Variants in FAM43B observed in about 807,000 individuals in gnomAD.
The protein encoded by FAM43B is family with sequence similarity 43 member B, also known as protein FAM43B.
Under a neutral mutation model 20.1 loss-of-function variants are expected in FAM43B, and 17 were observed. That is an observed-to-expected ratio of 0.84 (90% confidence interval 0.58 to 1.27). The LOEUF (loss-of-function observed/expected upper bound fraction) is 1.27, where lower values mean the gene tolerates loss of function less well. Ranked by LOEUF, FAM43B falls within the 50% of genes most tolerant of loss-of-function variation. FAM43B has a pLI of 0.00. For synonymous variants in FAM43B, 208 were observed against 238.5 expected, an observed-to-expected ratio of 0.87 and a Z score of 1.18; for missense variants, 512 against 516.7, an observed-to-expected ratio of 0.99 and a Z score of 0.09.
At position 20,553,434 on chromosome 1, in the gene FAM43B, G is replaced by T; in HGVS notation, c.461G>T (p.Arg154Leu). 7.0e-7 allele frequency: 1 copy of T among 1,430,420 alleles called. No individual in the cohort carries two copies. Among genetic ancestry groups the T allele is most frequent in the Non-Finnish European group, 9.0e-7 (1 of 1,105,282 alleles). 88.6% of individuals were successfully genotyped at this position (1,430,420 alleles called of 1,614,324 possible). ...PRITYCTADG[R>L]HPRVFAWVYR... ...ATCACCTACTGCACGGCGGACGGGC[G>T]CCACCCGCGCGTCTTCGCCTGGGTC... The change falls in exon 1 of 1, where the codon CGC becomes CTC. Residue 154 changes from arginine (R) to leucine (L), a missense_variant. Physicochemically the swap from Arg to Leu is moderately radical, Grantham distance 102. Coordinates refer to ENST00000332947, the MANE Select transcript of FAM43B (RefSeq NM_207334.3). This position sits in a 1 kb window ranked among gnomAD's most constrained non-coding sequence, Gnocchi z 6.5.
rs763440582 is a variant in FAM43B at position 20,553,774 on chromosome 1, C to CGAGGAGGAGGAGGAG, written c.804_818dup (p.Glu268_Glu272dup). On this transcript the variant is annotated inframe_insertion, in exon 1 of 1. Coordinates refer to ENST00000332947, the MANE Select transcript of FAM43B (RefSeq NM_207334.3). This position sits in a 1 kb window ranked among gnomAD's most constrained non-coding sequence, Gnocchi z 6.5. ...GCCTCAGCAGCATCCAGGAGGAGGA[C>CGAGGAGGAGGAGGAG]GAGGAGGAGGAGGAGGACGACGCGG... is the stretch of plus-strand genomic sequence containing the variant. The CGAGGAGGAGGAGGAG allele has an allele frequency of 6.8e-7, 1 of 1,470,458 alleles. No homozygotes were observed. Among genetic ancestry groups the CGAGGAGGAGGAGGAG allele is most frequent in the Admixed American group, 2.3e-5 (1 of 44,258 alleles). The allele number at this position is 1,470,458 out of a possible 1,614,324, so 91.1% of individuals were successfully genotyped here.
At position 20,552,623 on chromosome 1, in the gene FAM43B, C is replaced by A. The variant is rs187606377; in HGVS notation, c.-351C>A. The A allele has an allele frequency of 4.7e-4, 153 of 325,914 alleles. 5 individuals are homozygous for A. In the East Asian group the frequency reaches 0.012, roughly 25 times the overall value. The allele number at this position is 325,914 out of a possible 1,614,324, so 20.2% of individuals were successfully genotyped here. On this transcript the variant is annotated 5_prime_UTR_variant, in exon 1 of 1. Transcript: ENST00000332947. The stretch of plus-strand genomic sequence containing the variant: ...GCGGCTCCGGCGACCCAAATTGCGG[C>A]GGCAGGGACCGCGGAAATCCCACCG...
In FAM43B at chr1:20,552,685, A is replaced by C; in HGVS notation, c.-289A>C. The C allele has an allele frequency of 2.4e-5, 11 of 465,838 alleles. No individual in the cohort carries two copies. The highest frequency in any genetic ancestry group is 5.9e-4 in the Middle Eastern group (1 of 1,690). 28.9% of individuals were successfully genotyped at this position (465,838 alleles called of 1,614,324 possible). On this transcript the variant is annotated 5_prime_UTR_variant, in exon 1 of 1. Transcript: ENST00000332947. ...TGGACGTCCAGCCCACCTCACCCCC[A>C]GCCCCGGCCCCTCCTCGCTTCCCAG...
Position 20,554,070 on chromosome 1 carries a change from C to A in FAM43B, c.*107C>A. The stretch of plus-strand genomic sequence containing the variant: ...GCCCCGGCCCCCGGCCCGTGTCTCC[C>A]CCGTGGTCTCCGTGTTGTCCGCCCC... On this transcript the variant is annotated 3_prime_UTR_variant, in exon 1 of 1. Coordinates refer to ENST00000332947, the MANE Select transcript of FAM43B (RefSeq NM_207334.3). 8.7e-7 allele frequency: 1 copy of A among 1,152,616 alleles called. No individual in the cohort carries two copies. Among genetic ancestry groups the A allele is most frequent in the South Asian group, 4.4e-5 (1 of 22,672 alleles). 71.4% of individuals were successfully genotyped at this position (1,152,616 alleles called of 1,614,324 possible). A position where few individuals can be genotyped will look rare whatever the true frequency, so the allele number is the denominator to read the frequency against.
Position 20,552,916 on chromosome 1 carries a change from C to G in FAM43B, c.-58C>G, listed in dbSNP as rs2052146611. On this transcript the variant is annotated 5_prime_UTR_variant, in exon 1 of 1. Transcript: ENST00000332947. Reference sequence around the variant, plus strand: ...TTCTGCGCGCCTTCCCTCCCCCGGTCTCCCGACAGGACGCCGGTGAGCTCC... The same window carrying G: ...TTCTGCGCGCCTTCCCTCCCCCGGTGTCCCGACAGGACGCCGGTGAGCTCC... 4 of 1,584,334 alleles carry G rather than the reference C, an allele frequency of 2.5e-6. No homozygotes were observed. The highest frequency in any genetic ancestry group is 3.6e-4 in the Middle Eastern group (2 of 5,544).
chr1:20,553,757 A>C lies in FAM43B; in HGVS notation c.784A>C (p.Ser262Arg). The C allele has an allele frequency of 6.8e-7, 1 of 1,471,872 alleles. No individual in the cohort carries two copies. The highest frequency in any genetic ancestry group is 9.0e-7 in the Non-Finnish European group (1 of 1,106,790). 91.2% of individuals were successfully genotyped at this position (1,471,872 alleles called of 1,614,324 possible). ...CAGCCGCGGGGCGCCGCGCCTCAGCAGCATCCAGGAGGAGGACGAGGAGGA... is the reference window on the plus strand; with the variant it reads ...CAGCCGCGGGGCGCCGCGCCTCAGCCGCATCCAGGAGGAGGACGAGGAGGA... ...ERSRGAPRLS[S>R]IQEEDEEEEE... is the part of the protein sequence containing the mutation. Residue 262 changes from serine (S) to arginine (R), a missense_variant, in exon 1 of 1, where the codon AGC (serine) becomes CGC (arginine). Physicochemically the swap from Ser to Arg is moderately radical, Grantham distance 110. Transcript: ENST00000332947. This position sits in a 1 kb window ranked among gnomAD's most constrained non-coding sequence, Gnocchi z 6.5.
rs576030576 is a variant in FAM43B, at chr1:20,554,877, A to T, written c.*914A>T. The T allele has an allele frequency of 6.0e-6, 1 of 167,446 alleles. No individual in the cohort carries two copies. Among genetic ancestry groups the T allele is most frequent in the South Asian group, 2.1e-4 (1 of 4,828 alleles). 10.4% of individuals were successfully genotyped at this position (167,446 alleles called of 1,614,324 possible). ...CCTGACAGCAGTGGATTCTCCCAGCAGGATGAGGAAGGAGGGTGTGTTAAC... is the reference window on the plus strand; with the variant it reads ...CCTGACAGCAGTGGATTCTCCCAGCTGGATGAGGAAGGAGGGTGTGTTAAC... On this transcript the variant is annotated 3_prime_UTR_variant, in exon 1 of 1. Coordinates refer to ENST00000332947, the MANE Select transcript of FAM43B (RefSeq NM_207334.3).
Position 20,553,395 on chromosome 1 carries a change from A to T in FAM43B, c.422A>T (p.Tyr141Phe). Residue 141 changes from tyrosine to phenylalanine, a missense_variant, in exon 1 of 1, where the codon TAC (tyrosine) becomes TTC (phenylalanine). Coordinates refer to ENST00000332947, the MANE Select transcript of FAM43B (RefSeq NM_207334.3). This position sits in a 1 kb window ranked among gnomAD's most constrained non-coding sequence, Gnocchi z 6.5. ...GGGGGCCGCAGGCCGGCGCACGCCT[A>T]CCTGCTGCCGCGCATCACCTACTGC... ...GSGGRRPAHAYLLPRITYCTA... is the reference protein window; with the variant it reads ...GSGGRRPAHAFLLPRITYCTA... 6.8e-7 allele frequency: 1 copy of T among 1,470,826 alleles called. No homozygotes were observed. Among genetic ancestry groups the T allele is most frequent in the Non-Finnish European group, 8.9e-7 (1 of 1,121,518 alleles). 91.1% of individuals were successfully genotyped at this position (1,470,826 alleles called of 1,614,324 possible). A position where few individuals can be genotyped will look rare whatever the true frequency, so the allele number is the denominator to read the frequency against.
chr1:20,553,480 C>G lies in FAM43B; in HGVS notation c.507C>G (p.His169Gln), dbSNP rs2052155181. Residue 169 changes from histidine (H) to glutamine (Q), a missense_variant, in exon 1 of 1, where the codon CAC (histidine) becomes CAG (glutamine). By Grantham distance (24) the His-to-Gln change is conservative (BLOSUM62 0). Transcript: ENST00000332947. This position sits in a 1 kb window ranked among gnomAD's most constrained non-coding sequence, Gnocchi z 6.5. ...FAWVYRHQAR[H>Q]KAVVLRCHAV... ...GGGTCTACCGCCACCAGGCGCGCCA[C>G]AAGGCCGTGGTGCTGCGCTGCCACG... 10 of 1,406,898 alleles carry G rather than the reference C, an allele frequency of 7.1e-6. No individual in the cohort carries two copies. The highest frequency in any genetic ancestry group is 8.2e-6 in the Non-Finnish European group (9 of 1,093,468). The allele number at this position is 1,406,898 out of a possible 1,614,324, so 87.2% of individuals were successfully genotyped here.
Position 20,553,827 on chromosome 1 carries a change from G to C in FAM43B, c.854G>C (p.Arg285Pro). Residue 285 changes from arginine to proline, a missense_variant, in exon 1 of 1, where the codon CGC becomes CCC. Transcript: ENST00000332947. This position sits in a 1 kb window ranked among gnomAD's most constrained non-coding sequence, Gnocchi z 6.5. ...GAGCAAGAGGGAGGAGTCCCCCAGCGCGAGCGGCCGGAGGTGCTCAGCCTG... is the reference window on the plus strand; with the variant it reads ...GAGCAAGAGGGAGGAGTCCCCCAGCCCGAGCGGCCGGAGGTGCTCAGCCTG... ...AEEQEGGVPQRERPEVLSLAR... is the reference protein window; with the variant it reads ...AEEQEGGVPQPERPEVLSLAR... 2.7e-6 allele frequency: 4 copies of C among 1,461,620 alleles called. No homozygotes were observed. The South Asian group carries it at 5.1e-5, about 19-fold the overall frequency. The allele number at this position is 1,461,620 out of a possible 1,614,324, so 90.5% of individuals were successfully genotyped here.
Position 20,554,939 on chromosome 1 carries a change from G to C in FAM43B, c.*976G>C. 1 of 167,268 alleles carries C rather than the reference G, an allele frequency of 6.0e-6. No individual in the cohort carries two copies. 10.4% of individuals were successfully genotyped at this position (167,268 alleles called of 1,614,324 possible). On this transcript the variant is annotated 3_prime_UTR_variant, in exon 1 of 1. Coordinates refer to ENST00000332947, the MANE Select transcript of FAM43B (RefSeq NM_207334.3). ...GTGGGCCCCCCACCCAGGTGTCTCC[G>C]CAAGACCACAAAAAGCCCAAAGATC...
chr1:20,554,097 C>T lies in FAM43B; in HGVS notation c.*134C>T, dbSNP rs1352882579. The T allele has an allele frequency of 1.9e-6, 2 of 1,078,630 alleles. No individual in the cohort carries two copies. The highest frequency in any genetic ancestry group is 3.3e-5 in the African/African-American group (2 of 60,034). 66.8% of individuals were successfully genotyped at this position (1,078,630 alleles called of 1,614,324 possible). On this transcript the variant is annotated 3_prime_UTR_variant, in exon 1 of 1. Transcript: ENST00000332947. Reference sequence around the variant, plus strand: ...CGTGGTCTCCGTGTTGTCCGCCCCGCCGCCTCATTTTGGCTCAGGGTGATG... The same window carrying T: ...CGTGGTCTCCGTGTTGTCCGCCCCGTCGCCTCATTTTGGCTCAGGGTGATG...
Position 20,553,916 on chromosome 1 carries a change from CGCCGCTGGAAGGCCG to C in FAM43B, c.947_961del (p.Arg316_Gly320del). On this transcript the variant is annotated inframe_deletion, in exon 1 of 1. Coordinates refer to ENST00000332947, the MANE Select transcript of FAM43B (RefSeq NM_207334.3). This position sits in a 1 kb window ranked among gnomAD's most constrained non-coding sequence, Gnocchi z 6.5. ...GGCGCCCCCGCCGCCCGCGCAGCCCCGCCGCTGGAAGGCCGGCCCCAGGGAGCGGGCGGGCCAGGC... is the reference window on the plus strand; with the variant it reads ...GGCGCCCCCGCCGCCCGCGCAGCCCCGCCCCAGGGAGCGGGCGGGCCAGGC... 8.0e-7 allele frequency: 1 copy of C among 1,255,704 alleles called. No homozygotes were observed. Among genetic ancestry groups the C allele is most frequent in the South Asian group, 3.4e-5 (1 of 29,420 alleles). The allele number at this position is 1,255,704 out of a possible 1,614,324, so 77.8% of individuals were successfully genotyped here. A position where few individuals can be genotyped will look rare whatever the true frequency, so the allele number is the denominator to read the frequency against.
In FAM43B at chr1:20,553,723, G is replaced by T; in HGVS notation, c.750G>T (p.Pro250=). The T allele has an allele frequency of 6.9e-7, 1 of 1,456,388 alleles. No homozygotes were observed. The highest frequency in any genetic ancestry group is 1.3e-5 in the South Asian group (1 of 77,642). The allele number at this position is 1,456,388 out of a possible 1,614,324, so 90.2% of individuals were successfully genotyped here. A position where few individuals can be genotyped will look rare whatever the true frequency, so the allele number is the denominator to read the frequency against. Reference sequence around the variant, plus strand: ...CCAAGTGCGCCTACCGGCCGCCGCCGAGCGAGCGCAGCCGCGGGGCGCCGC... The same window carrying T: ...CCAAGTGCGCCTACCGGCCGCCGCCTAGCGAGCGCAGCCGCGGGGCGCCGC... The part of the protein sequence containing the change: ...LNAKCAYRPP[P]SERSRGAPRL... Residue 250 remains proline (P), a synonymous_variant, in exon 1 of 1, where the codon CCG becomes CCT. Transcript: ENST00000332947. This position sits in a 1 kb window ranked among gnomAD's most constrained non-coding sequence, Gnocchi z 6.5.
At position 20,552,638 on chromosome 1, in the gene FAM43B, A is replaced by G; in HGVS notation, c.-336A>G. On this transcript the variant is annotated 5_prime_UTR_variant, in exon 1 of 1. Transcript: ENST00000332947. The stretch of plus-strand genomic sequence containing the variant: ...CAAATTGCGGCGGCAGGGACCGCGG[A>G]AATCCCACCGTTTGGGCTTGGTGGA... 2.8e-6 allele frequency: 1 copy of G among 353,616 alleles called. No homozygotes were observed. The highest frequency in any genetic ancestry group is 3.5e-5 in the South Asian group (1 of 28,826). The allele number at this position is 353,616 out of a possible 1,614,324, so 21.9% of individuals were successfully genotyped here. A position where few individuals can be genotyped will look rare whatever the true frequency, so the allele number is the denominator to read the frequency against.
Position 20,553,576 on chromosome 1 carries a change from CT to C in FAM43B, c.605del (p.Phe202SerfsTer96). 1 of 1,281,612 alleles carries C rather than the reference CT, an allele frequency of 7.8e-7. No individual in the cohort carries two copies. The highest frequency in any genetic ancestry group is 9.8e-7 in the Non-Finnish European group (1 of 1,020,652). 79.4% of individuals were successfully genotyped at this position (1,281,612 alleles called of 1,614,324 possible). Reference protein sequence around the residue: ...RLLRQTALAAFSDFKRLQRQS... With the variant: ...RLLRQTALAAXSDFKRLQRQS... ...TGCTCCGCCAGACCGCGCTGGCGGCCTTCAGCGACTTCAAGCGCCTGCAGCG... is the reference window on the plus strand; with the variant it reads ...TGCTCCGCCAGACCGCGCTGGCGGCCTCAGCGACTTCAAGCGCCTGCAGCG... On this transcript the variant is annotated frameshift_variant, in exon 1 of 1. Transcript: ENST00000332947. LOFTEE classifies it high-confidence loss of function. The surrounding 1 kb of genome is among the most constrained non-coding windows in gnomAD (Gnocchi z 6.5).
Position 20,554,032 on chromosome 1 carries a change from G to A in FAM43B, c.*69G>A. The A allele has an allele frequency of 8.3e-7, 1 of 1,199,870 alleles. No homozygotes were observed. Among genetic ancestry groups the A allele is most frequent in the Non-Finnish European group, 1.0e-6 (1 of 963,904 alleles). The allele number at this position is 1,199,870 out of a possible 1,614,324, so 74.3% of individuals were successfully genotyped here. A position where few individuals can be genotyped will look rare whatever the true frequency, so the allele number is the denominator to read the frequency against. On this transcript the variant is annotated 3_prime_UTR_variant, in exon 1 of 1. Coordinates refer to ENST00000332947, the MANE Select transcript of FAM43B (RefSeq NM_207334.3). Reference sequence around the variant, plus strand: ...ACTCACAGCCTCCAACCCCGGCCCTGCCCGCTTCGGCTGCCCCGGCCCCCG... The same window carrying A: ...ACTCACAGCCTCCAACCCCGGCCCTACCCGCTTCGGCTGCCCCGGCCCCCG...
rs768010242 is a variant in FAM43B at position 20,553,669 on chromosome 1, C to T, written c.696C>T (p.Pro232=). 4.5e-6 allele frequency: 6 copies of T among 1,336,226 alleles called. No homozygotes were observed. The South Asian group carries it at 1.1e-4, about 25-fold the overall frequency. 82.8% of individuals were successfully genotyped at this position (1,336,226 alleles called of 1,614,324 possible). The change falls in exon 1 of 1, where the codon CCC becomes CCT. Residue 232 remains proline, a synonymous_variant. Coordinates refer to ENST00000332947, the MANE Select transcript of FAM43B (RefSeq NM_207334.3). The surrounding 1 kb of genome is among the most constrained non-coding windows in gnomAD (Gnocchi z 6.5). The part of the protein sequence containing the change: ...LRAGGAAASV[P]RAPLRRLLNA... ...CTGGGGGCGCCGCCGCCTCGGTGCC[C>T]CGCGCCCCACTGCGCCGCCTGCTCA...
chr1:20,553,453 C>T lies in FAM43B; in HGVS notation c.480C>T (p.Ala160=). 7.0e-7 allele frequency: 1 copy of T among 1,423,690 alleles called. No individual in the cohort carries two copies. Among genetic ancestry groups the T allele is most frequent in the Non-Finnish European group, 9.1e-7 (1 of 1,102,204 alleles). The allele number at this position is 1,423,690 out of a possible 1,614,324, so 88.2% of individuals were successfully genotyped here. Reference sequence around the variant, plus strand: ...ACGGGCGCCACCCGCGCGTCTTCGCCTGGGTCTACCGCCACCAGGCGCGCC... The same window carrying T: ...ACGGGCGCCACCCGCGCGTCTTCGCTTGGGTCTACCGCCACCAGGCGCGCC... ...TADGRHPRVF[A]WVYRHQARHK... The change falls in exon 1 of 1, where the codon GCC becomes GCT. Residue 160 remains alanine, a synonymous_variant. Coordinates refer to ENST00000332947, the MANE Select transcript of FAM43B (RefSeq NM_207334.3). This position sits in a 1 kb window ranked among gnomAD's most constrained non-coding sequence, Gnocchi z 6.5.
Sources: allele counts gnomAD v4.1 joint callset, GRCh38; gene constraint gnomAD v4.1.1; non-coding constraint Gnocchi (gnomAD v3.1); transcripts MANE v1.5; gene names NCBI Gene and HGNC (gene_info 2026-07-23, HGNC 2026-07-21).